Variants in ZNF740 observed in about 807,000 individuals in gnomAD.
ZNF740 encodes zinc finger protein 740.
A neutral mutation model predicts 24.8 loss-of-function variants in ZNF740; 14 were observed. The observed-to-expected ratio is 0.56, with a 90% CI of 0.37 to 0.88. The LOEUF (loss-of-function observed/expected upper bound fraction) is 0.88, where lower values mean the gene tolerates loss of function less well. Ranked by LOEUF, ZNF740 falls within the 40% of genes least tolerant of loss-of-function variation. The pLI is 0.00. For missense variants in ZNF740, 201 were observed against 247.9 expected (o/e 0.81, Z 1.27); for synonymous variants, 69 against 84.0 (o/e 0.82, Z 0.98).
rs1345764406 is a variant in ZNF740 at position 53,188,596 on chromosome 12, G to A, written c.*1006G>A. 2 of 152,466 alleles carry A rather than the reference G, an allele frequency of 1.3e-5. No homozygotes were observed. Among genetic ancestry groups the A allele is most frequent in the African/African-American group, 4.8e-5 (2 of 41,412 alleles). 9.4% of individuals were successfully genotyped at this position (152,466 alleles called of 1,614,324 possible). On this transcript the variant is annotated 3_prime_UTR_variant, in exon 7 of 7. Coordinates refer to ENST00000416904, the MANE Select transcript of ZNF740 (RefSeq NM_001004304.4). Reference sequence around the variant, plus strand: ...GCTGCTCAAGAAACAAAGGAATCTGGGGTCTTCTGACATGCCTGTTGAGCA... The same window carrying A: ...GCTGCTCAAGAAACAAAGGAATCTGAGGTCTTCTGACATGCCTGTTGAGCA...
chr12:53,187,637 A>G lies in ZNF740; in HGVS notation c.*47A>G. 6.8e-7 allele frequency: 1 copy of G among 1,477,034 alleles called. No homozygotes were observed. Among genetic ancestry groups the G allele is most frequent in the Non-Finnish European group, 9.4e-7 (1 of 1,058,746 alleles). 91.5% of individuals were successfully genotyped at this position (1,477,034 alleles called of 1,614,324 possible). A position where few individuals can be genotyped will look rare whatever the true frequency, so the allele number is the denominator to read the frequency against. On this transcript the variant is annotated 3_prime_UTR_variant, in exon 7 of 7. Coordinates refer to ENST00000416904, the MANE Select transcript of ZNF740 (RefSeq NM_001004304.4). ...GGGAGTGATCAGAAGAACCTGCCGA[A>G]GAGCACACCCCCTCTGGTCTGATGG...
intron 1 of ZNF740, 129 bp downstream of exon 1, chr12:53,180,966 G>C (rs576789705): frequency 2.6e-6 from 2 of 763,702 alleles, no homozygotes; most frequent in East Asian, 1.3e-4. Context: ...GAAGGGAGGG[G>C]GATCTCCGGG....
chr12:53,181,334 G>T, intron 1 of ZNF740: 1 of 985,442 alleles, frequency 1.0e-6, no homozygotes. Flanking sequence ...CCCTAGTCTT[G>T]CCGCCTCTGT....
rs141289593 is a variant in ZNF740 at position 53,192,701 on chromosome 12, C to T, written c.*5111C>T. ...GACCTGAGGCCTCACCGGTGTCTCTCGCATGGTGTCTTGCAGCCTGGGCAT... is the reference window on the plus strand; with the variant it reads ...GACCTGAGGCCTCACCGGTGTCTCTTGCATGGTGTCTTGCAGCCTGGGCAT... On this transcript the variant is annotated 3_prime_UTR_variant, in exon 7 of 7. Coordinates refer to ENST00000416904, the MANE Select transcript of ZNF740 (RefSeq NM_001004304.4). 4.3e-5 allele frequency: 70 copies of T among 1,613,686 alleles called. No individual in the cohort carries two copies. Among genetic ancestry groups the T allele is most frequent in the Non-Finnish European group, 4.9e-5 (58 of 1,179,878 alleles).
chr12:53,195,079 G>A lies in ZNF740; in HGVS notation c.*7489G>A. 1 of 368,760 alleles carries A rather than the reference G, an allele frequency of 2.7e-6. No individual in the cohort carries two copies. Among genetic ancestry groups the A allele is most frequent in the Non-Finnish European group, 5.0e-6 (1 of 200,582 alleles). The allele number at this position is 368,760 out of a possible 1,614,324, so 22.8% of individuals were successfully genotyped here. A position where few individuals can be genotyped will look rare whatever the true frequency, so the allele number is the denominator to read the frequency against. ...GCTTTTGGCAGGGTTAAATGAAGTA[G>A]CAAACAGTATGTACACCTAGGATGG... On this transcript the variant is annotated 3_prime_UTR_variant, in exon 7 of 7. Transcript: ENST00000416904.
rs763669235 is a variant in ZNF740 at position 53,192,670 on chromosome 12, A to G, written c.*5080A>G. 6.2e-6 allele frequency: 10 copies of G among 1,609,112 alleles called. No homozygotes were observed. In the South Asian group the frequency reaches 8.8e-5, roughly 14 times the overall value. ...GCCCCACTGTGCCCCTGCTCCCAAG[A>G]TGCAAGACCTGAGGCCTCACCGGTG... On this transcript the variant is annotated 3_prime_UTR_variant, in exon 7 of 7. Transcript: ENST00000416904.
chr12:53,192,491 TTGG>T lies in ZNF740; in HGVS notation c.*4905_*4907del, dbSNP rs780785793. 1.2e-6 allele frequency: 2 copies of T among 1,614,126 alleles called. No individual in the cohort carries two copies. The highest frequency in any genetic ancestry group is 1.1e-5 in the South Asian group (1 of 91,076). ...GGTATGGGCACAAGCTGTACTGCAG[TTGG>T]TGGCCAGTGGGCCAGTCCTGAAGGC... On this transcript the variant is annotated 3_prime_UTR_variant, in exon 7 of 7. Coordinates refer to ENST00000416904, the MANE Select transcript of ZNF740 (RefSeq NM_001004304.4).
rs1292640017 is a variant in ZNF740 at position 53,190,781 on chromosome 12, A to G, written c.*3191A>G. ...TTTTTATAAGATGTTATAAACTTGTATCTTTTTACCATTAAAGTGCAGTGT... is the reference window on the plus strand; with the variant it reads ...TTTTTATAAGATGTTATAAACTTGTGTCTTTTTACCATTAAAGTGCAGTGT... On this transcript the variant is annotated 3_prime_UTR_variant, in exon 7 of 7. Coordinates refer to ENST00000416904, the MANE Select transcript of ZNF740 (RefSeq NM_001004304.4). 6.6e-6 allele frequency: 1 copy of G among 151,764 alleles called. No homozygotes were observed. Among genetic ancestry groups the G allele is most frequent in the African/African-American group, 2.4e-5 (1 of 41,274 alleles). 9.4% of individuals were successfully genotyped at this position (151,764 alleles called of 1,614,324 possible).
In ZNF740 at chr12:53,193,046, T is replaced by C. The variant is rs1263003698; in HGVS notation, c.*5456T>C. The C allele has an allele frequency of 7.2e-7, 1 of 1,389,312 alleles. No homozygotes were observed. The highest frequency in any genetic ancestry group is 2.4e-5 in the East Asian group (1 of 41,476). 86.1% of individuals were successfully genotyped at this position (1,389,312 alleles called of 1,614,324 possible). On this transcript the variant is annotated 3_prime_UTR_variant, in exon 7 of 7. Transcript: ENST00000416904. Reference sequence around the variant, plus strand: ...CCTCTAACCCATACACCGGAATCTTTTGATATTTGCCTTCCATGCCAGGAG... The same window carrying C: ...CCTCTAACCCATACACCGGAATCTTCTGATATTTGCCTTCCATGCCAGGAG...
chr12:53,193,961 T>A lies in ZNF740; in HGVS notation c.*6371T>A. On this transcript the variant is annotated 3_prime_UTR_variant, in exon 7 of 7. Coordinates refer to ENST00000416904, the MANE Select transcript of ZNF740 (RefSeq NM_001004304.4). ...ACATGCACACACACATACCCCAAAC[T>A]CACCAATCATCCAGAACCTCACCCC... is the stretch of plus-strand genomic sequence containing the variant. 1 of 1,476,496 alleles carries A rather than the reference T, an allele frequency of 6.8e-7. No homozygotes were observed. The highest frequency in any genetic ancestry group is 9.3e-7 in the Non-Finnish European group (1 of 1,079,550). 91.5% of individuals were successfully genotyped at this position (1,476,496 alleles called of 1,614,324 possible).
chr12:53,194,142 A>G lies in ZNF740; in HGVS notation c.*6552A>G. 2 of 1,608,984 alleles carry G rather than the reference A, an allele frequency of 1.2e-6. No individual in the cohort carries two copies. Among genetic ancestry groups the G allele is most frequent in the East Asian group, 2.2e-5 (1 of 44,782 alleles). ...CCACCCATCTTTTCCTGCCTGCTTA[A>G]TTTCCCACTCCCACCTCCCCCTGCC... On this transcript the variant is annotated 3_prime_UTR_variant, in exon 7 of 7. Transcript: ENST00000416904.
In ZNF740 at chr12:53,192,323, CACTTA is replaced by C; in HGVS notation, c.*4734_*4738del. The C allele has an allele frequency of 1.2e-6, 2 of 1,613,838 alleles. No individual in the cohort carries two copies. The highest frequency in any genetic ancestry group is 1.7e-6 in the Non-Finnish European group (2 of 1,179,906). Reference sequence around the variant, plus strand: ...TTCCAGGGTTTGTGGCATCCCTGCCCACTTACTTTCTTGGGGTCTCACTCTGAGCA... The same window carrying C: ...TTCCAGGGTTTGTGGCATCCCTGCCCCTTTCTTGGGGTCTCACTCTGAGCA... On this transcript the variant is annotated 3_prime_UTR_variant, in exon 7 of 7. Transcript: ENST00000416904.
intron 2 of ZNF740, among the ~76,000 whole-genome samples, chr12:53,182,722 T>G (rs1941703889): frequency 6.6e-6 from 1 of 152,152 alleles, no homozygotes; most frequent in Admixed American, 6.5e-5. Context: ...TGTTTGATAG[T>G]TACGGAGTAA....
chr12:53,184,792 G>A, intron 2 of ZNF740, 99 bp from the exon 3 acceptor site: 1 of 1,406,762 alleles, frequency 7.1e-7, no homozygotes, highest in East Asian at 2.5e-5. Flanking sequence ...GAGAGAAGCA[G>A]TTTGTAGCAG....
intron 6 of ZNF740, 106 bp from the exon 7 acceptor site, chr12:53,187,395 C>T: frequency 1.1e-6 from 1 of 897,296 alleles, no homozygotes; most frequent in Non-Finnish European, 1.8e-6. Context: ...TGTGCACGTG[C>T]TGAGGGGATG....
chr12:53,194,037 G>T lies in ZNF740; in HGVS notation c.*6447G>T. The T allele has an allele frequency of 7.7e-7, 1 of 1,293,142 alleles. No individual in the cohort carries two copies. The highest frequency in any genetic ancestry group is 1.1e-6 in the Non-Finnish European group (1 of 922,782). The allele number at this position is 1,293,142 out of a possible 1,614,324, so 80.1% of individuals were successfully genotyped here. Reference sequence around the variant, plus strand: ...GTTAACACCCAACTCCTAGAAACATGCCTGAGGAAGCCACTCAGACTGCTC... The same window carrying T: ...GTTAACACCCAACTCCTAGAAACATTCCTGAGGAAGCCACTCAGACTGCTC... On this transcript the variant is annotated 3_prime_UTR_variant, in exon 7 of 7. Coordinates refer to ENST00000416904, the MANE Select transcript of ZNF740 (RefSeq NM_001004304.4).
In ZNF740 at chr12:53,180,848, G is replaced by T. The variant is rs1941556251; in HGVS notation, c.-308+11G>T. 1.6e-6 allele frequency: 2 copies of T among 1,267,290 alleles called. No homozygotes were observed. Among genetic ancestry groups the T allele is most frequent in the Non-Finnish European group, 1.0e-6 (1 of 980,488 alleles). 78.5% of individuals were successfully genotyped at this position (1,267,290 alleles called of 1,614,324 possible). On this transcript the variant is annotated intron_variant, in intron 1 of 6. Coordinates refer to ENST00000416904, the MANE Select transcript of ZNF740 (RefSeq NM_001004304.4). ...GGCCGCGCCTGGCAGGTAGGAGCAA[G>T]CCCCAAAGACCGCAGCGTCGTCCGT...
chr12:53,187,613 G>A lies in ZNF740; in HGVS notation c.*23G>A, dbSNP rs1486873565. On this transcript the variant is annotated 3_prime_UTR_variant, in exon 7 of 7. Coordinates refer to ENST00000416904, the MANE Select transcript of ZNF740 (RefSeq NM_001004304.4). The stretch of plus-strand genomic sequence containing the variant: ...TAGGCGCAAGGGGCCCCGGGTGGTG[G>A]GAGTGATCAGAAGAACCTGCCGAAG... 6.2e-7 allele frequency: 1 copy of A among 1,600,536 alleles called. No homozygotes were observed. The highest frequency in any genetic ancestry group is 8.6e-7 in the Non-Finnish European group (1 of 1,167,922).
rs1383483243 is a variant in ZNF740, at chr12:53,194,096, T to G, written c.*6506T>G. 4 of 1,522,884 alleles carry G rather than the reference T, an allele frequency of 2.6e-6. No individual in the cohort carries two copies. The highest frequency in any genetic ancestry group is 2.7e-6 in the Non-Finnish European group (3 of 1,109,430). The allele number at this position is 1,522,884 out of a possible 1,614,324, so 94.3% of individuals were successfully genotyped here. ...ATGGATGGAGGACTACCTCAGGCTC[T>G]CATGTCACTCCCTGTACCTGCCACC... On this transcript the variant is annotated 3_prime_UTR_variant, in exon 7 of 7. Transcript: ENST00000416904.
Sources: allele counts gnomAD v4.1 joint callset (sites outside exome capture counted in the v4.1 genomes callset), GRCh38; gene constraint gnomAD v4.1.1; transcripts MANE v1.5; gene names NCBI Gene and HGNC (gene_info 2026-07-23, HGNC 2026-07-21).